The following BRWD1 variants were observed in gnomAD, a reference collection of about 807,000 sequenced individuals.
BRWD1 encodes bromodomain and WD repeat-containing protein 1.
BRWD1 carries 82 observed loss-of-function variants against 251.2 expected under a neutral mutation model. The observed-to-expected ratio is 0.33, with a 90% CI of 0.27 to 0.39. BRWD1 has a LOEUF of 0.39. Among genes scored for constraint, BRWD1 ranks in the 10% least tolerant of loss-of-function variants. The pLI is 1.00. For missense variants in BRWD1, 2,233 were observed against 2,711.6 expected, an observed-to-expected ratio of 0.82 and a Z score of 3.92; for synonymous variants, 918 against 902.8, an observed-to-expected ratio of 1.02 and a Z score of -0.30.
chr21:39,208,245 AG>A (rs2032499452), intron 36 of BRWD1, among the ~76,000 whole-genome samples: 1 of 152,204 alleles, frequency 6.6e-6, no homozygotes, highest in Non-Finnish European at 1.5e-5. Context: ...TGAGGGGCGC[AG>A]GGAAGACTTG....
rs562204298 is a variant in BRWD1, at chr21:39,190,711, C to T, written c.*5548G>A. 4.1e-6 allele frequency: 4 copies of T among 985,344 alleles called. No individual in the cohort carries two copies. The highest frequency in any genetic ancestry group is 2.3e-4 in the East Asian group (2 of 8,818). 61.0% of individuals were successfully genotyped at this position (985,344 alleles called of 1,614,324 possible). ...AAAACATCCCATAAACTGAAGTACC[C>T]CAATGGCTGTAGAATAAAATGGTTT... On this transcript the variant is annotated 3_prime_UTR_variant, in exon 41 of 41. Transcript: ENST00000342449.
intron 21 of BRWD1, among the ~76,000 whole-genome samples, chr21:39,242,643 G>A (rs1045792681): frequency 6.6e-6 from 1 of 152,162 alleles, no homozygotes; most frequent in Non-Finnish European, 1.5e-5. Context: ...CACAGCTAGA[G>A]GGACTTATGG....
rs371041598 is a variant in BRWD1, at chr21:39,269,881, A to C, written c.1530+18T>G. The C allele has an allele frequency of 4.7e-6, 7 of 1,486,292 alleles. No homozygotes were observed. The African/African-American group carries it at 9.9e-5, about 21-fold the overall frequency. The allele number at this position is 1,486,292 out of a possible 1,614,324, so 92.1% of individuals were successfully genotyped here. On this transcript the variant is annotated intron_variant, in intron 15 of 40. Coordinates refer to ENST00000342449, the MANE Select transcript of BRWD1 (RefSeq NM_033656.4). ...CAAATTATCAAGCATGTATCAAGGT[A>C]CATCTCACTTCACTTACCATATTAA...
At chr21:39,258,709 A>C (rs1361626965) in intron 17 of BRWD1, 37 bp from the exon 18 acceptor site, 9 of 1,400,752 alleles carry the variant, frequency 6.4e-6, no homozygotes, top group Non-Finnish European at 8.5e-6. Context: ...ATCATATAAA[A>C]GCAGAAAACA....
intron 8 of BRWD1, among the ~76,000 whole-genome samples, chr21:39,285,833 A>C (rs1055133942): frequency 7.6e-6 from 1 of 132,200 alleles, no homozygotes; most frequent in African/African-American, 2.8e-5. Context: ...CCAGCTACTC[A>C]GGAGGGTGAG....
At chr21:39,297,893 A>G (rs1325276636) in intron 5 of BRWD1, 2 of 984,348 alleles carry the variant, frequency 2.0e-6, no homozygotes, top group Non-Finnish European at 2.4e-6. Flanking sequence ...AAGCTAACAG[A>G]AAAAGAATAG....
In BRWD1 at chr21:39,193,421, G is replaced by A. The variant is rs8134728; in HGVS notation, c.*2838C>T. On this transcript the variant is annotated 3_prime_UTR_variant, in exon 41 of 41. Transcript: ENST00000342449. ...TAAGTATACCTTTTTAAATAAGGAGGACACGAAAAAAGAAAGCTTTGTTAA... is the reference window on the plus strand; with the variant it reads ...TAAGTATACCTTTTTAAATAAGGAGAACACGAAAAAAGAAAGCTTTGTTAA... The A allele has an allele frequency of 3.0e-6, 3 of 984,470 alleles. No homozygotes were observed. Among genetic ancestry groups the A allele is most frequent in the African/African-American group, 1.7e-5 (1 of 57,268 alleles). The allele number at this position is 984,470 out of a possible 1,614,324, so 61.0% of individuals were successfully genotyped here.
intron 23 of BRWD1, among the ~76,000 whole-genome samples, chr21:39,232,747 A>C (rs1459094090): frequency 6.6e-6 from 1 of 152,120 alleles, no homozygotes; most frequent in Non-Finnish European, 1.5e-5. Flanking sequence ...TCTTCATGCT[A>C]TTTTACATCC....
chr21:39,295,379 G>C (rs1325505174), intron 7 of BRWD1, among the ~76,000 whole-genome samples: 1 of 151,596 alleles, frequency 6.6e-6, no homozygotes, highest in African/African-American at 2.4e-5. Flanking sequence ...AGTAGAGATG[G>C]GGTTTCACCG....
At chr21:39,292,946 C>T (rs933318983) in intron 8 of BRWD1, among the ~76,000 whole-genome samples, 10 of 152,056 alleles carry the variant, frequency 6.6e-5, no homozygotes, top group Non-Finnish European at 5.9e-5. Flanking sequence ...AAAAAGGAAT[C>T]TTTTCCTTCC....
intron 4 of BRWD1, among the ~76,000 whole-genome samples, chr21:39,302,439 A>G (rs2036149513): frequency 6.6e-6 from 1 of 152,188 alleles, no homozygotes; most frequent in Non-Finnish European, 1.5e-5. Context: ...CAACAGTAAC[A>G]ACATCTTGAA....
intron 10 of BRWD1, chr21:39,278,417 T>C (rs2035345264): frequency 3.9e-6 from 1 of 253,436 alleles, no homozygotes; most frequent in Admixed American, 5.4e-5. Context: ...CTATCAAACA[T>C]ACACAGTTTA....
downstream of BRWD1, chr21:39,185,161 G>C (rs566734409): frequency 6.6e-6 from 1 of 151,654 alleles, no homozygotes; most frequent in African/African-American, 2.4e-5. Flanking sequence ...AAATATGTTC[G>C]AATTAAATAC....
intron 29 of BRWD1, chr21:39,219,557 A>T (rs2033089610): frequency 6.6e-6 from 1 of 152,250 alleles, no homozygotes; most frequent in African/African-American, 2.4e-5. Flanking sequence ...GCACGTTTAC[A>T]ATGAGGGAAC....
At chr21:39,309,964 A>C (rs1233314389) in intron 4 of BRWD1, among the ~76,000 whole-genome samples, 1 of 152,242 alleles carries the variant, frequency 6.6e-6, no homozygotes, top group Non-Finnish European at 1.5e-5. Context: ...GATGAAATGT[A>C]GTGTCTGGAA....
Position 39,188,810 on chromosome 21 carries a change from T to C in BRWD1, c.*7449A>G. 1.0e-6 allele frequency: 1 copy of C among 985,350 alleles called. No individual in the cohort carries two copies. Among genetic ancestry groups the C allele is most frequent in the Non-Finnish European group, 1.2e-6 (1 of 829,824 alleles). 61.0% of individuals were successfully genotyped at this position (985,350 alleles called of 1,614,324 possible). A position where few individuals can be genotyped will look rare whatever the true frequency, so the allele number is the denominator to read the frequency against. ...ATACACATCAGTTCCTTTTGCCAAC[T>C]AACTTATGTGATTCACATGTTTTTC... On this transcript the variant is annotated 3_prime_UTR_variant, in exon 41 of 41. Coordinates refer to ENST00000342449, the MANE Select transcript of BRWD1 (RefSeq NM_033656.4).
chr21:39,227,385 T>C (rs2033425921), intron 27 of BRWD1, among the ~76,000 whole-genome samples: 3 of 152,022 alleles, frequency 2.0e-5, no homozygotes, highest in African/African-American at 7.2e-5. Flanking sequence ...TGAAAACAGG[T>C]ACTACAGTTA....
At position 39,313,206 on chromosome 21, in the gene BRWD1, G is replaced by C. The variant is rs774293396; in HGVS notation, c.108+35C>G. 50 of 1,521,708 alleles carry C rather than the reference G, an allele frequency of 3.3e-5. No individual in the cohort carries two copies. In the Middle Eastern group the frequency reaches 1.1e-3, roughly 34 times the overall value. 94.3% of individuals were successfully genotyped at this position (1,521,708 alleles called of 1,614,324 possible). A position where few individuals can be genotyped will look rare whatever the true frequency, so the allele number is the denominator to read the frequency against. ...CCCCGGCGGCGGGGACACTGGGGACGCCAAGTCCGCAGCCGCCCGCGGGCC... is the reference window on the plus strand; with the variant it reads ...CCCCGGCGGCGGGGACACTGGGGACCCCAAGTCCGCAGCCGCCCGCGGGCC... On this transcript the variant is annotated intron_variant, in intron 2 of 40. Transcript: ENST00000342449.
At chr21:39,210,278 G>T in intron 35 of BRWD1, 131 bp from the exon 36 acceptor site, 1 of 713,850 alleles carries the variant, frequency 1.4e-6, no homozygotes, top group Non-Finnish European at 2.2e-6. Context: ...AAATTCATTA[G>T]TAATGTTTAA....
Sources: gnomAD v4.1 joint callset for allele counts (sites outside exome capture counted in the v4.1 genomes callset) on GRCh38, gnomAD v4.1.1 for gene constraint, MANE v1.5 for transcripts, NCBI Gene and HGNC (gene_info 2026-07-23, HGNC 2026-07-21) for gene names.